Variants in ACACA observed in about 807,000 individuals in gnomAD.
ACACA encodes acetyl-CoA carboxylase 1.
Under a neutral mutation model 296.1 loss-of-function variants are expected in ACACA, and 103 were observed. The observed-to-expected ratio is 0.35, with a 90% CI of 0.30 to 0.41. The LOEUF (loss-of-function observed/expected upper bound fraction) is 0.41. Ranked by LOEUF, ACACA falls within the 10% of genes least tolerant of loss-of-function variation. ACACA has a pLI of 1.00. For synonymous variants in ACACA, 953 were observed against 1,038.6 expected, an observed-to-expected ratio of 0.92 and a Z score of 1.58; for missense variants, 1,554 against 2,989.7, an observed-to-expected ratio of 0.52 and a Z score of 11.20.
intron 3 of ACACA, among the ~76,000 whole-genome samples, chr17:37,288,484 G>A (rs990588909): frequency 9.2e-5 from 14 of 152,320 alleles, no homozygotes; most frequent in African/African-American, 3.4e-4. Flanking sequence ...AGTGGGCTGG[G>A]GCTGTGGGAA....
At chr17:37,395,125 C>T (rs1415156384) in intron 1 of ACACA, among the ~76,000 whole-genome samples, 1 of 151,974 alleles carries the variant, frequency 6.6e-6, no homozygotes, top group Non-Finnish European at 1.5e-5. Flanking sequence ...ATATTCTTCA[C>T]ACCACTTTAA....
At chr17:37,371,894 C>T (rs982119861) in intron 1 of ACACA, among the ~76,000 whole-genome samples, 10 of 150,428 alleles carry the variant, frequency 6.6e-5, no homozygotes, top group African/African-American at 2.0e-4. Flanking sequence ...AGCGAGACTA[C>T]GTCTCAAAAA....
chr17:37,122,673 A>G (rs752945912), intron 48 of ACACA, 46 bp from the exon 49 acceptor site: 1 of 1,493,608 alleles, frequency 6.7e-7, no homozygotes, highest in Admixed American at 1.7e-5. Flanking sequence ...TGTCAACATT[A>G]TAGCTAGCCA....
chr17:37,338,226 CAA>C (rs564232257), intron 2 of ACACA, among the ~76,000 whole-genome samples: 145 of 67,436 alleles, frequency 2.2e-3, no homozygotes, highest in African/African-American at 6.1e-3. Context: ...GACTCCGTCT[CAA>C]AAAAAAAAAA....
chr17:37,390,216 T>C lies in ACACA; in HGVS notation c.38+16046A>G, dbSNP rs1201295105. ...ATATAAATATATATAATTATATATT[T>C]ATTATATATAATTATATATAATATA... On this transcript the variant is annotated intron_variant, in intron 1 of 55. Coordinates refer to ENST00000616317, the MANE Select transcript of ACACA (RefSeq NM_198834.3). Among the ~76,000 whole-genome samples the C allele has an allele frequency of 8.5e-4, 62 of 72,658 alleles. 10 individuals carry two copies. Among genetic ancestry groups the C allele is most frequent in the African/African-American group, 4.4e-3 (59 of 13,298 alleles). 47.7% of individuals were successfully genotyped at this position (72,658 alleles called of 152,430 possible).
Position 37,206,890 on chromosome 17 carries a change from C to T in ACACA, c.3852-11G>A, listed in dbSNP as rs781195942. On this transcript the variant is annotated splice_polypyrimidine_tract_variant and intron_variant, in intron 31 of 55. Transcript: ENST00000616317. The stretch of plus-strand genomic sequence containing the variant: ...ACTTCATCAAAGATCCTAAAAAATA[C>T]AAGAGAAACACCCACCATGAAAACT... 10 of 1,602,038 alleles carry T rather than the reference C, an allele frequency of 6.2e-6. No individual in the cohort carries two copies. In the African/African-American group the frequency reaches 1.2e-4, roughly 19 times the overall value.
Position 37,113,411 on chromosome 17 carries a change from G to A in ACACA, c.6275-146C>T, listed in dbSNP as rs547649575. The A allele has an allele frequency of 2.6e-6, 2 of 780,190 alleles. No homozygotes were observed. The highest frequency in any genetic ancestry group is 2.7e-5 in the East Asian group (1 of 37,612). The allele number at this position is 780,190 out of a possible 1,614,324, so 48.3% of individuals were successfully genotyped here. A position where few individuals can be genotyped will look rare whatever the true frequency, so the allele number is the denominator to read the frequency against. ...CACCCTATAGACTAAAGGGAGTATC[G>A]ACCTGTATCCCATTCAAGACTCCAG... On this transcript the variant is annotated intron_variant, in intron 50 of 55. Transcript: ENST00000616317. This position sits in a 1 kb window ranked among gnomAD's most constrained non-coding sequence, Gnocchi z 4.0.
At chr17:37,104,468 G>A (rs2073550115) in intron 52 of ACACA, among the ~76,000 whole-genome samples, 1 of 152,202 alleles carries the variant, frequency 6.6e-6, no homozygotes, top group African/African-American at 2.4e-5. Context: ...CTCACCCAAG[G>A]CCACAAAGCT....
intron 29 of ACACA, among the ~76,000 whole-genome samples, chr17:37,214,819 C>T (rs2145532813): frequency 6.6e-6 from 1 of 152,304 alleles, no homozygotes; most frequent in East Asian, 1.9e-4. Flanking sequence ...TTATTTATAG[C>T]TCATTCTGGC....
At chr17:37,198,172 ATG>A (rs1296653655) in intron 35 of ACACA, among the ~76,000 whole-genome samples, 1 of 152,212 alleles carries the variant, frequency 6.6e-6, no homozygotes, top group Non-Finnish European at 1.5e-5. Flanking sequence ...GGGTTTTTTT[ATG>A]TGTTACATAT....
chr17:37,179,561 T>C, intron 40 of ACACA, among the ~76,000 whole-genome samples, 155 bp from the exon 41 acceptor site: 1 of 152,214 alleles, frequency 6.6e-6, no homozygotes, highest in East Asian at 1.9e-4. Context: ...CATTCTCAGT[T>C]AAAATAGATT....
chr17:37,369,046 C>T (rs1286496948), intron 1 of ACACA, among the ~76,000 whole-genome samples: 1 of 152,114 alleles, frequency 6.6e-6, no homozygotes, highest in Non-Finnish European at 1.5e-5. Flanking sequence ...ACAAATGTCT[C>T]TCAACAGGAG....
intron 43 of ACACA, 69 bp downstream of exon 43, chr17:37,155,614 T>G: frequency 3.8e-6 from 4 of 1,059,296 alleles, no homozygotes; most frequent in Non-Finnish European, 5.9e-6. Context: ...AGCTGTACAA[T>G]ATGGAAAAAA....
intron 39 of ACACA, among the ~76,000 whole-genome samples, chr17:37,187,193 T>C (rs80173298): frequency 0.016 from 2,412 of 152,330 alleles, 62 homozygotes; most frequent in South Asian, 0.1. Flanking sequence ...TAGGATAGAT[T>C]TCTCTAGCCA....
intron 54 of ACACA, among the ~76,000 whole-genome samples, chr17:37,096,158 A>G (rs904117422): frequency 1.3e-5 from 2 of 152,040 alleles, no homozygotes; most frequent in East Asian, 3.8e-4. Context: ...AGCCCCTCCA[A>G]TTCCCTCCTC....
intron 14 of ACACA, among the ~76,000 whole-genome samples, chr17:37,256,254 G>A (rs1361800241): frequency 6.6e-6 from 1 of 152,130 alleles, no homozygotes; most frequent in African/African-American, 2.4e-5. Context: ...GCAAGCTCTA[G>A]TGTAAACCTT....
intron 1 of ACACA, among the ~76,000 whole-genome samples, chr17:37,343,182 T>C (rs938071792): frequency 2.0e-5 from 3 of 151,972 alleles, no homozygotes; most frequent in Non-Finnish European, 4.4e-5. Flanking sequence ...TTCACCATGT[T>C]GGCCAGGCTG....
intron 10 of ACACA, among the ~76,000 whole-genome samples, chr17:37,269,673 G>A (rs1176154156): frequency 1.3e-5 from 2 of 149,890 alleles, no homozygotes; most frequent in Non-Finnish European, 3.0e-5. Context: ...GGGACCACCT[G>A]TATATGAAAT....
At chr17:37,158,629 C>CA (rs1224060416) in intron 42 of ACACA, among the ~76,000 whole-genome samples, 5 of 151,770 alleles carry the variant, frequency 3.3e-5, no homozygotes, top group Admixed American at 6.6e-5. Flanking sequence ...GACCCTGTCT[C>CA]AAAAAAACAA....
Sources: allele counts gnomAD v4.1 joint callset (sites outside exome capture counted in the v4.1 genomes callset), GRCh38; gene constraint gnomAD v4.1.1; non-coding constraint Gnocchi (gnomAD v3.1); transcripts MANE v1.5; gene names NCBI Gene and HGNC (gene_info 2026-07-23, HGNC 2026-07-21).